GATA4: variants seen among roughly 807,000 people sequenced by gnomAD.
GATA4 encodes the protein GATA binding protein 4.
Under a neutral mutation model 37.9 loss-of-function variants are expected in GATA4, and 7 were observed. That is an observed-to-expected ratio of 0.18 (90% CI 0.11 to 0.35). GATA4 has a LOEUF of 0.35. Among genes scored for constraint, GATA4 ranks in the 10% least tolerant of loss-of-function variants. The probability of loss-of-function intolerance (pLI) is 1.00; values close to 1 mark genes in which losing one functional copy is unlikely to be tolerated. For synonymous variants in GATA4, 372 were observed against 292.6 expected (o/e 1.27, Z -2.77); for missense variants, 647 against 653.0 (o/e 0.99, Z 0.10).
At chr8:11,693,746 C>G (rs1245020258) in intron 1 of GATA4, among the ~76,000 whole-genome samples, 1 of 152,146 alleles carries the variant, frequency 6.6e-6, no homozygotes, top group African/African-American at 2.4e-5. Flanking sequence ...ACTCCCAGCC[C>G]TTGTGCCCTC....
intron 1 of GATA4, among the ~76,000 whole-genome samples, chr8:11,687,433 C>G (rs1248408764): frequency 6.6e-6 from 1 of 152,128 alleles, no homozygotes; most frequent in Non-Finnish European, 1.5e-5. Flanking sequence ...TCAAGCAATC[C>G]TCCTCTTGGC....
chr8:11,692,448 G>T (rs1033047286), upstream of GATA4: 1 of 886,136 alleles, frequency 1.1e-6, no homozygotes, highest in African/African-American at 1.8e-5. Flanking sequence ...TAATTCGAAT[G>T]AACCCTAATA....
intron 2 of GATA4, among the ~76,000 whole-genome samples, chr8:11,743,495 G>A (rs1010521264): frequency 3.3e-5 from 5 of 152,248 alleles, no homozygotes; most frequent in Admixed American, 6.5e-5. Flanking sequence ...CTGTGGCGCC[G>A]ATGGGGCGGC....
chr8:11,693,546 CACACACACACACACACAGAG>C (rs1271264910), intron 1 of GATA4, among the ~76,000 whole-genome samples: 115 of 115,142 alleles, frequency 1.0e-3, no homozygotes, highest in Non-Finnish European at 1.4e-3. Flanking sequence ...CACACACACA[CACACACACACACACACAGAG>C]AGAGAGAGAG....
intron 2 of GATA4, among the ~76,000 whole-genome samples, chr8:11,726,585 T>C (rs1422524308): frequency 6.6e-6 from 1 of 151,938 alleles, no homozygotes; most frequent in Non-Finnish European, 1.5e-5. Context: ...CCAGTCTCTG[T>C]TTGAACCCTT....
chr8:11,754,279 C>A (rs968202491), intron 4 of GATA4, among the ~76,000 whole-genome samples: 1 of 152,232 alleles, frequency 6.6e-6, no homozygotes, highest in African/African-American at 2.4e-5. Flanking sequence ...TGCAGTGGCA[C>A]GATCACGGCT....
upstream of GATA4, among the ~76,000 whole-genome samples, chr8:11,701,123 AG>A (rs1468297684): frequency 9.9e-5 from 15 of 152,136 alleles, no homozygotes; most frequent in Admixed American, 9.8e-4. Flanking sequence ...TTAATGGAAC[AG>A]GGTAAAGCAA....
chr8:11,759,830 G>A lies in GATA4; in HGVS notation c.*1355G>A, dbSNP rs1062270. ...CCCTCACTCCAAAATCCTACTGGCT[G>A]TAGCAGAGAATACCTTTGAACCAAG... On this transcript the variant is annotated 3_prime_UTR_variant, in exon 7 of 7. Coordinates refer to ENST00000532059, the MANE Select transcript of GATA4 (RefSeq NM_001308093.3). The A allele has an allele frequency of 0.048, 7,272 of 152,532 alleles. 255 individuals carry two copies. The highest frequency in any genetic ancestry group is 0.068 in the Non-Finnish European group (4,617 of 68,032). 9.4% of individuals were successfully genotyped at this position (152,532 alleles called of 1,614,324 possible).
At chr8:11,740,119 G>C (rs1801655406) in intron 2 of GATA4, among the ~76,000 whole-genome samples, 1 of 152,194 alleles carries the variant, frequency 6.6e-6, no homozygotes, top group Admixed American at 6.5e-5. Context: ...TGAGCCTGAA[G>C]CCGGAAGCCC....
upstream of GATA4, among the ~76,000 whole-genome samples, chr8:11,691,328 C>T (rs1034070777): frequency 2.0e-4 from 30 of 152,170 alleles, no homozygotes; most frequent in African/African-American, 7.0e-4. Flanking sequence ...AGAGATAAGG[C>T]CTCACTCTGT....
At chr8:11,740,812 C>G (rs868750988) in intron 2 of GATA4, among the ~76,000 whole-genome samples, 21 of 151,890 alleles carry the variant, frequency 1.4e-4, no homozygotes, top group African/African-American at 5.1e-4. Flanking sequence ...CGGCTCACTG[C>G]AACCTCTGCC....
intron 2 of GATA4, among the ~76,000 whole-genome samples, chr8:11,740,789 A>G (rs946788389): frequency 1.3e-5 from 2 of 151,422 alleles, no homozygotes; most frequent in African/African-American, 4.9e-5. Context: ...ACTGTAGTAC[A>G]GTGGCATGAT....
chr8:11,728,116 G>C (rs1276226980), intron 2 of GATA4, among the ~76,000 whole-genome samples: 1 of 151,774 alleles, frequency 6.6e-6, no homozygotes, highest in East Asian at 1.9e-4. Context: ...TCAGCCTCCC[G>C]AGCAGCTGGG....
chr8:11,750,821 C>A (rs1315371693), intron 4 of GATA4, among the ~76,000 whole-genome samples: 2 of 149,976 alleles, frequency 1.3e-5, no homozygotes, highest in African/African-American at 4.9e-5. Context: ...GTGGTGCATG[C>A]CTCTAGTCCC....
chr8:11,691,083 A>G (rs534137649), upstream of GATA4, among the ~76,000 whole-genome samples: 6 of 152,300 alleles, frequency 3.9e-5, no homozygotes, highest in Non-Finnish European at 8.8e-5. Context: ...TGGATAAATG[A>G]TTGTGTGGAT....
chr8:11,755,220 C>CT, intron 5 of GATA4, 87 bp downstream of exon 5: 2 of 1,099,126 alleles, frequency 1.8e-6, no homozygotes, highest in Non-Finnish European at 2.7e-6. Flanking sequence ...TTAGGCAGGC[C>CT]AGCCCGGGCC....
At chr8:11,712,562 A>T (rs1465299923) in intron 2 of GATA4, among the ~76,000 whole-genome samples, 1 of 152,078 alleles carries the variant, frequency 6.6e-6, no homozygotes, top group Non-Finnish European at 1.5e-5. Flanking sequence ...AAAAAGAAAG[A>T]CAAAGAAAAA....
At position 11,759,401 on chromosome 8, in the gene GATA4, A is replaced by G. The variant is rs1327892706; in HGVS notation, c.*926A>G. ...CCTTCTGGGGAGAGTGTAAGTGGAC[A>G]GAGTCCTGGTCAGGGGGCAGGAGTG... On this transcript the variant is annotated 3_prime_UTR_variant, in exon 7 of 7. Coordinates refer to ENST00000532059, the MANE Select transcript of GATA4 (RefSeq NM_001308093.3). The G allele has an allele frequency of 1.3e-5, 2 of 152,598 alleles. No individual in the cohort carries two copies. Among genetic ancestry groups the G allele is most frequent in the Non-Finnish European group, 2.9e-5 (2 of 68,336 alleles). The allele number at this position is 152,598 out of a possible 1,614,324, so 9.5% of individuals were successfully genotyped here. A position where few individuals can be genotyped will look rare whatever the true frequency, so the allele number is the denominator to read the frequency against.
chr8:11,711,296 G>A (rs769418807), intron 2 of GATA4, among the ~76,000 whole-genome samples: 9 of 152,200 alleles, frequency 5.9e-5, no homozygotes, highest in Non-Finnish European at 2.9e-5. Context: ...GCTCTTCCCG[G>A]ATAGCTTATG....
Sources: gnomAD v4.1 joint callset for allele counts (sites outside exome capture counted in the v4.1 genomes callset) on GRCh38, gnomAD v4.1.1 for gene constraint, MANE v1.5 for transcripts, NCBI Gene and HGNC (gene_info 2026-07-23, HGNC 2026-07-21) for gene names.